ANO10: variants seen among roughly 807,000 people sequenced by gnomAD.
ANO10 encodes anoctamin 10.
In ANO10, 77 loss-of-function variants were observed where a neutral mutation model predicts 74.7. The observed-to-expected ratio is 1.03, with a 90% CI of 0.86 to 1.25. ANO10 has a LOEUF of 1.25. ANO10 is among the 50% of genes most tolerant of loss of function. The pLI, the probability that ANO10 is intolerant of heterozygous loss-of-function variation, is 0.00. For synonymous variants in ANO10, 279 were observed against 284.9 expected (o/e 0.98, Z 0.21); for missense variants, 721 against 778.1 (o/e 0.93, Z 0.87).
chr3:43,490,044 T>C (rs376409678), intron 11 of ANO10, among the ~76,000 whole-genome samples: 1 of 152,236 alleles, frequency 6.6e-6, no homozygotes, highest in African/African-American at 2.4e-5. Flanking sequence ...GAATATTATT[T>C]CTTCTGATCC....
intron 4 of ANO10, among the ~76,000 whole-genome samples, chr3:43,591,580 T>C (rs1320745205): frequency 1.3e-5 from 2 of 152,076 alleles, no homozygotes; most frequent in Admixed American, 6.6e-5. Context: ...TGGATGAAGA[T>C]TGGAAGGTGG....
intron 12 of ANO10, among the ~76,000 whole-genome samples, chr3:43,386,985 A>T (rs2092139904): frequency 6.6e-6 from 1 of 151,902 alleles, no homozygotes; most frequent in Non-Finnish European, 1.5e-5. Context: ...TCTTCACTGG[A>T]CTCTAGGAAC....
chr3:43,373,470 G>A (rs1325864040), intron 12 of ANO10, among the ~76,000 whole-genome samples: 1 of 152,150 alleles, frequency 6.6e-6, no homozygotes, highest in Admixed American at 6.5e-5. Flanking sequence ...TGAGCTAACC[G>A]TGGGGTGGGT....
chr3:43,384,009 C>A (rs889027312), intron 12 of ANO10, among the ~76,000 whole-genome samples: 1 of 152,054 alleles, frequency 6.6e-6, no homozygotes, highest in African/African-American at 2.4e-5. Flanking sequence ...CGATCATATA[C>A]CTAAAAAACC....
upstream of ANO10, among the ~76,000 whole-genome samples, chr3:43,624,752 C>G (rs1039988319): frequency 6.6e-6 from 1 of 152,198 alleles, no homozygotes; most frequent in African/African-American, 2.4e-5. Flanking sequence ...AGTATGGACA[C>G]ACCAGACAAA....
intron 12 of ANO10, among the ~76,000 whole-genome samples, chr3:43,372,325 T>C (rs759516352): frequency 6.6e-6 from 1 of 152,148 alleles, no homozygotes; most frequent in Non-Finnish European, 1.5e-5. Context: ...TGCCCCTGCC[T>C]GCACTGAGAC....
At chr3:43,410,909 T>C (rs2092654019) in intron 12 of ANO10, among the ~76,000 whole-genome samples, 1 of 152,038 alleles carries the variant, frequency 6.6e-6, no homozygotes, top group South Asian at 2.1e-4. Flanking sequence ...GTCTGAAGTA[T>C]AACTTTTCTC....
chr3:43,379,832 A>C (rs537501414), intron 12 of ANO10, among the ~76,000 whole-genome samples: 2 of 152,318 alleles, frequency 1.3e-5, no homozygotes, highest in African/African-American at 4.8e-5. Context: ...CCAAACCAAG[A>C]TCAAATCTCT....
chr3:43,428,398 A>G (rs952169102), intron 12 of ANO10, among the ~76,000 whole-genome samples: 7 of 152,114 alleles, frequency 4.6e-5, no homozygotes, highest in Non-Finnish European at 1.0e-4. Flanking sequence ...AAAAAAATTT[A>G]GTGGAGACAG....
At chr3:43,496,151 A>T (rs1199678337) in intron 11 of ANO10, among the ~76,000 whole-genome samples, 1 of 152,176 alleles carries the variant, frequency 6.6e-6, no homozygotes, top group Non-Finnish European at 1.5e-5. Flanking sequence ...TGCTTTCAGG[A>T]ATATATACTC....
intron 12 of ANO10, among the ~76,000 whole-genome samples, chr3:43,406,904 GA>G (rs2092586058): frequency 6.9e-6 from 1 of 144,950 alleles, no homozygotes; most frequent in Non-Finnish European, 1.6e-5. Flanking sequence ...TCGCAACAGA[GA>G]TTTTTTTTTT....
intron 12 of ANO10, among the ~76,000 whole-genome samples, chr3:43,392,163 CT>C (rs573406865): frequency 1.4e-5 from 2 of 146,390 alleles, no homozygotes; most frequent in African/African-American, 5.1e-5. Context: ...TTCTCACTGA[CT>C]TTAAAAAAAA....
intron 11 of ANO10, among the ~76,000 whole-genome samples, chr3:43,474,220 C>A (rs368302795): frequency 6.6e-6 from 1 of 152,070 alleles, no homozygotes; most frequent in East Asian, 1.9e-4. Flanking sequence ...CCCCGCCCCC[C>A]CCAACCCCAA....
At chr3:43,451,258 A>G (rs1259553587) in intron 11 of ANO10, among the ~76,000 whole-genome samples, 1 of 152,206 alleles carries the variant, frequency 6.6e-6, no homozygotes, top group African/African-American at 2.4e-5. Flanking sequence ...ACTAGAAGAC[A>G]CACCTGAGCT....
chr3:43,465,784 A>G (rs937867027), intron 11 of ANO10, among the ~76,000 whole-genome samples: 2 of 152,230 alleles, frequency 1.3e-5, no homozygotes, highest in African/African-American at 2.4e-5. Context: ...GGATGAATAC[A>G]ATATGTACAA....
intron 11 of ANO10, among the ~76,000 whole-genome samples, chr3:43,534,448 G>T (rs1312780782): frequency 1.3e-5 from 2 of 152,034 alleles, no homozygotes; most frequent in Admixed American, 6.5e-5. Flanking sequence ...ATGTGAGCAT[G>T]TGTGTGTGCA....
At chr3:43,586,960 A>G (rs1016403605) in intron 4 of ANO10, among the ~76,000 whole-genome samples, 1 of 152,224 alleles carries the variant, frequency 6.6e-6, no homozygotes, top group African/African-American at 2.4e-5. Flanking sequence ...AGAATATGTA[A>G]GAGCCCACAT....
intron 11 of ANO10, among the ~76,000 whole-genome samples, chr3:43,463,121 A>G (rs1434532446): frequency 6.6e-6 from 1 of 152,204 alleles, no homozygotes; most frequent in Non-Finnish European, 1.5e-5. Flanking sequence ...CAGAGTCTCT[A>G]CTGGAGCACT....
intron 1 of ANO10, among the ~76,000 whole-genome samples, chr3:43,628,657 A>G (rs553954131): frequency 7.3e-4 from 111 of 152,312 alleles, no homozygotes; most frequent in Admixed American, 2.7e-3. Flanking sequence ...TCTTTTTCTC[A>G]GCAAGAAACA....
Sources: allele counts gnomAD v4.1 joint callset (sites outside exome capture counted in the v4.1 genomes callset), GRCh38; gene constraint gnomAD v4.1.1; transcripts MANE v1.5; gene names NCBI Gene and HGNC (gene_info 2026-07-23, HGNC 2026-07-21).